The following MATN2 variants were observed in gnomAD, a reference collection of about 807,000 sequenced individuals.
MATN2 encodes matrilin-2.
Under a neutral mutation model 103.2 loss-of-function variants are expected in MATN2, and 69 were observed. The observed-to-expected ratio is 0.67, with a 90% CI of 0.55 to 0.82. MATN2 has a LOEUF of 0.82. MATN2 is among the 40% of genes least tolerant of loss of function. MATN2 has a pLI of 0.00. For missense variants in MATN2, 1,023 were observed against 1,211.5 expected (o/e 0.84, Z 2.31); for synonymous variants, 429 against 450.2 (o/e 0.95, Z 0.60).
chr8:98,026,003 C>T (rs559937223), intron 13 of MATN2, among the ~76,000 whole-genome samples: 1 of 151,696 alleles, frequency 6.6e-6, no homozygotes, highest in Admixed American at 6.6e-5. Context: ...CATGGCAAAA[C>T]CCCGTCTCTA....
chr8:98,004,323 G>A (rs1054017004), intron 8 of MATN2: 1 of 164,964 alleles, frequency 6.1e-6, no homozygotes, highest in Admixed American at 5.6e-5. Context: ...AAAATACTTA[G>A]AACAGCACTG....
At chr8:97,950,736 G>A (rs1364278125) in intron 4 of MATN2, 1 of 152,280 alleles carries the variant, frequency 6.6e-6, no homozygotes, top group African/African-American at 2.4e-5. Flanking sequence ...TATGACATCA[G>A]ATAGGTGATG....
chr8:97,986,198 T>C (rs1478081312), intron 6 of MATN2, among the ~76,000 whole-genome samples: 2 of 152,246 alleles, frequency 1.3e-5, no homozygotes, highest in African/African-American at 2.4e-5. Context: ...ATTTTAAGTC[T>C]TTTGATACAT....
At chr8:97,979,463 T>C (rs1470346341) in intron 6 of MATN2, among the ~76,000 whole-genome samples, 1 of 152,258 alleles carries the variant, frequency 6.6e-6, no homozygotes, top group Non-Finnish European at 1.5e-5. Flanking sequence ...GAACTGCTCA[T>C]GTTTTGTTTG....
At chr8:97,962,972 T>C (rs1227761383) in intron 5 of MATN2, among the ~76,000 whole-genome samples, 3 of 152,144 alleles carry the variant, frequency 2.0e-5, no homozygotes, top group African/African-American at 7.2e-5. Flanking sequence ...CGGTCTCTAC[T>C]AAAAATACAA....
At chr8:97,871,665 G>T (rs1817904937) in intron 1 of MATN2, among the ~76,000 whole-genome samples, 1 of 152,202 alleles carries the variant, frequency 6.6e-6, no homozygotes, top group Admixed American at 6.5e-5. Flanking sequence ...TGTCATTGCT[G>T]TTGCTAGTGA....
chr8:97,975,532 T>G lies in MATN2; in HGVS notation c.959-3354T>G, dbSNP rs1487287459. Reference sequence around the variant, plus strand: ...AGGACATTCAAGAGAAAAGGTAGAGTGTGAGTTTCTGACTTTTAGGTATAG... The same window carrying G: ...AGGACATTCAAGAGAAAAGGTAGAGGGTGAGTTTCTGACTTTTAGGTATAG... On this transcript the variant is annotated intron_variant, in intron 5 of 18. Transcript: ENST00000254898. 2.0e-5 allele frequency among the ~76,000 whole-genome samples: 3 copies of G among 151,908 alleles called. No homozygotes were observed. In the East Asian group the frequency reaches 5.8e-4, roughly 29 times the overall value.
chr8:97,964,346 G>A (rs1811414546), intron 5 of MATN2, among the ~76,000 whole-genome samples: 1 of 152,186 alleles, frequency 6.6e-6, no homozygotes, highest in African/African-American at 2.4e-5. Context: ...TAGCTGATCT[G>A]GGGTGCCCTG....
intron 5 of MATN2, among the ~76,000 whole-genome samples, chr8:97,970,269 G>A (rs1190397641): frequency 1.3e-5 from 2 of 152,154 alleles, no homozygotes; most frequent in Non-Finnish European, 2.9e-5. Context: ...TAACTCCCAG[G>A]TGTTGCCATA....
At chr8:97,968,899 G>A (rs1268135506) in intron 5 of MATN2, among the ~76,000 whole-genome samples, 6 of 152,200 alleles carry the variant, frequency 3.9e-5, no homozygotes, top group African/African-American at 1.2e-4. Context: ...CCGGTTTTCT[G>A]TGTTAGGCTG....
intron 3 of MATN2, among the ~76,000 whole-genome samples, chr8:97,936,356 C>A (rs1810367954): frequency 6.6e-6 from 1 of 152,122 alleles, no homozygotes; most frequent in Non-Finnish European, 1.5e-5. Flanking sequence ...CTAATAGCCC[C>A]ACCCCACCCA....
chr8:98,015,594 G>A (rs1813332348), intron 10 of MATN2, among the ~76,000 whole-genome samples: 1 of 152,158 alleles, frequency 6.6e-6, no homozygotes, highest in African/African-American at 2.4e-5. Flanking sequence ...TCTTTCTGCA[G>A]GGCTCTGCTC....
intron 1 of MATN2, among the ~76,000 whole-genome samples, chr8:97,884,203 C>T (rs1464770219): frequency 6.7e-6 from 1 of 150,258 alleles, no homozygotes; most frequent in Non-Finnish European, 1.5e-5. Context: ...TGCAATGGTG[C>T]AATCTTGGCT....
Position 97,911,531 on chromosome 8 carries a change from G to A in MATN2, c.143-19422G>A, listed in dbSNP as rs184417815. 5.7e-3 allele frequency among the ~76,000 whole-genome samples: 862 copies of A among 151,642 alleles called. 5 individuals are homozygous for A. The highest frequency in any genetic ancestry group is 6.9e-3 in the Non-Finnish European group (465 of 67,874). ...AGACCATCCTGGCCAACATGGTGAC[G>A]CCCCGTCTCTACTAAAAATGCAAAA... On this transcript the variant is annotated intron_variant, in intron 2 of 18. Coordinates refer to ENST00000254898, the MANE Select transcript of MATN2 (RefSeq NM_002380.5).
intron 2 of MATN2, among the ~76,000 whole-genome samples, chr8:97,889,488 T>TATATATATATATATATATAA (rs1347479451): frequency 2.2e-5 from 3 of 133,356 alleles, no homozygotes; most frequent in East Asian, 2.2e-4. Flanking sequence ...TATATATATA[T>TATATATATATATATATATAA]AAAACTGATG....
Position 97,929,353 on chromosome 8 carries a change from A to T in MATN2, c.143-1600A>T, listed in dbSNP as rs552351122. ...GTGGTGATTAGGATTTAGGGCAAGC[A>T]TTTGGGATCCCTTTTCTAATACCTT... On this transcript the variant is annotated intron_variant, in intron 2 of 18. Transcript: ENST00000254898. Among the ~76,000 whole-genome samples the T allele has an allele frequency of 3.5e-4, 54 of 152,248 alleles. No individual in the cohort carries two copies. In the East Asian group the frequency reaches 3.7e-3, roughly 10 times the overall value.
intron 2 of MATN2, among the ~76,000 whole-genome samples, chr8:97,907,507 A>T (rs1483551565): frequency 1.4e-5 from 2 of 145,216 alleles, no homozygotes; most frequent in African/African-American, 2.6e-5. Flanking sequence ...TATTTTTAGT[A>T]GAGATGGGGT....
chr8:97,915,935 G>A (rs1809612828), intron 2 of MATN2, among the ~76,000 whole-genome samples: 2 of 152,050 alleles, frequency 1.3e-5, no homozygotes, highest in Non-Finnish European at 2.9e-5. Flanking sequence ...ATTTGAGAAA[G>A]GAAGAAAGAT....
chr8:98,011,954 C>A (rs916509523), intron 10 of MATN2, among the ~76,000 whole-genome samples: 2 of 152,192 alleles, frequency 1.3e-5, no homozygotes, highest in Non-Finnish European at 2.9e-5. Flanking sequence ...CTGCAGAATC[C>A]ATTCACGATG....
Sources: gnomAD v4.1 joint callset for allele counts (sites outside exome capture counted in the v4.1 genomes callset) on GRCh38, gnomAD v4.1.1 for gene constraint, MANE v1.5 for transcripts, NCBI Gene and HGNC (gene_info 2026-07-23, HGNC 2026-07-21) for gene names.